SDCCAG8: variants seen among roughly 807,000 people sequenced by gnomAD.
The protein encoded by SDCCAG8 is SHH signaling and ciliogenesis regulator SDCCAG8.
SDCCAG8 carries 74 observed loss-of-function variants against 101.8 expected under a neutral mutation model. The ratio of observed to expected loss-of-function variants is 0.73; its 90% CI spans 0.60 to 0.88. The LOEUF (loss-of-function observed/expected upper bound fraction) is 0.88. Among genes scored for constraint, SDCCAG8 ranks in the 40% least tolerant of loss-of-function variants. SDCCAG8 has a pLI of 0.00. For synonymous variants in SDCCAG8, 281 were observed against 292.9 expected (o/e 0.96, Z 0.41); for missense variants, 787 against 822.6 (o/e 0.96, Z 0.53).
At chr1:243,378,684 T>G (rs76163287) in intron 12 of SDCCAG8, 37 bp from the exon 13 acceptor site, 18,102 of 1,609,870 alleles carry the variant, frequency 0.011, 119 homozygotes, top group Non-Finnish European at 0.013. Context: ...GTGCATGTAT[T>G]TTATATGGAT....
At chr1:243,303,114 A>C (rs1008727111) in intron 6 of SDCCAG8, among the ~76,000 whole-genome samples, 5 of 152,194 alleles carry the variant, frequency 3.3e-5, no homozygotes, top group Admixed American at 6.5e-5. Context: ...GCTAATAGAC[A>C]CCACACAAAG....
At chr1:243,366,908 G>A (rs914598238) in intron 12 of SDCCAG8, among the ~76,000 whole-genome samples, 1 of 151,932 alleles carries the variant, frequency 6.6e-6, no homozygotes, top group African/African-American at 2.4e-5. Context: ...ATAATGTCTG[G>A]CACATTGCAC....
intron 13 of SDCCAG8, among the ~76,000 whole-genome samples, chr1:243,404,860 TTC>T (rs1026652996): frequency 4.7e-5 from 7 of 147,830 alleles, no homozygotes; most frequent in African/African-American, 1.5e-4. Flanking sequence ...CTTAGACTTC[TTC>T]TTTTTTTTTT....
At chr1:243,383,108 A>G (rs546907345) in intron 13 of SDCCAG8, among the ~76,000 whole-genome samples, 1 of 152,346 alleles carries the variant, frequency 6.6e-6, no homozygotes, top group South Asian at 2.1e-4. Context: ...AGAAAGGATC[A>G]TGTTTTAAAG....
intron 6 of SDCCAG8, among the ~76,000 whole-genome samples, chr1:243,302,477 T>C (rs1258433544): frequency 6.6e-6 from 1 of 152,158 alleles, no homozygotes; most frequent in African/African-American, 2.4e-5. Context: ...ACTGCCCTTA[T>C]CTATAAAGCT....
intron 16 of SDCCAG8, among the ~76,000 whole-genome samples, chr1:243,431,788 G>T (rs185873537): frequency 2.3e-3 from 355 of 152,260 alleles, no homozygotes; most frequent in Non-Finnish European, 3.3e-3. Context: ...CTGAGCACCT[G>T]TGTCCTCTCA....
intron 13 of SDCCAG8, among the ~76,000 whole-genome samples, chr1:243,389,925 C>CT (rs1367633581): frequency 6.6e-6 from 1 of 152,094 alleles, no homozygotes; most frequent in Non-Finnish European, 1.5e-5. Context: ...CTCTGTGCCC[C>CT]CAGCACCAAG....
At chr1:243,327,715 A>G (rs943571469) in intron 9 of SDCCAG8, among the ~76,000 whole-genome samples, 71 of 152,234 alleles carry the variant, frequency 4.7e-4, no homozygotes, top group African/African-American at 1.6e-3. Context: ...TAGTGTATAA[A>G]TAATTGTTTA....
chr1:243,358,399 C>A (rs2076512678), intron 12 of SDCCAG8, among the ~76,000 whole-genome samples: 1 of 151,806 alleles, frequency 6.6e-6, no homozygotes, highest in African/African-American at 2.4e-5. Context: ...CAAACCAAAA[C>A]CAAGATGAGA....
chr1:243,404,836 C>T lies in SDCCAG8; in HGVS notation c.1617-10866C>T, dbSNP rs1339162122. Among the ~76,000 whole-genome samples the T allele has an allele frequency of 2.6e-5, 4 of 151,926 alleles. No individual in the cohort carries two copies. In the East Asian group the frequency reaches 5.8e-4, roughly 22 times the overall value. The stretch of plus-strand genomic sequence containing the variant: ...TCTACTATCTTTATTACAGAAGTTC[C>T]CCACTTACTCAAACTTAGACTTCTT... On this transcript the variant is annotated intron_variant, in intron 13 of 17. Coordinates refer to ENST00000366541, the MANE Select transcript of SDCCAG8 (RefSeq NM_006642.5).
chr1:243,360,274 T>A (rs2076624579), intron 12 of SDCCAG8, among the ~76,000 whole-genome samples: 1 of 151,244 alleles, frequency 6.6e-6, no homozygotes, highest in South Asian at 2.1e-4. Context: ...GCCTCCCTAG[T>A]ATCTGGGACT....
chr1:243,448,517 A>G (rs1396313499), intron 16 of SDCCAG8, among the ~76,000 whole-genome samples: 2 of 152,128 alleles, frequency 1.3e-5, no homozygotes, highest in Non-Finnish European at 2.9e-5. Context: ...GATGTGTAAG[A>G]CTTAACCCTT....
At chr1:243,373,548 G>A (rs1356975062) in intron 12 of SDCCAG8, among the ~76,000 whole-genome samples, 1 of 152,076 alleles carries the variant, frequency 6.6e-6, no homozygotes, top group Non-Finnish European at 1.5e-5. Context: ...GCCATGGTTG[G>A]GGTTTGGATC....
At chr1:243,285,336 C>T (rs1352287043) in intron 4 of SDCCAG8, among the ~76,000 whole-genome samples, 1 of 152,110 alleles carries the variant, frequency 6.6e-6, no homozygotes, top group Non-Finnish European at 1.5e-5. Flanking sequence ...AGCAGTTTTC[C>T]CTATGACTTC....
At chr1:243,305,018 G>A (rs1021655201) in intron 7 of SDCCAG8, 1 of 480,164 alleles carries the variant, frequency 2.1e-6, no homozygotes, top group African/African-American at 2.0e-5. Context: ...GTAGAAATAA[G>A]AATCACGGCC....
chr1:243,451,893 C>T (rs2083382349), intron 16 of SDCCAG8, among the ~76,000 whole-genome samples: 1 of 152,206 alleles, frequency 6.6e-6, no homozygotes, highest in African/African-American at 2.4e-5. Flanking sequence ...CACGCCACTG[C>T]ACTCCAGCCT....
rs950627906 is a variant in SDCCAG8 at position 243,344,707 on chromosome 1, C to T, written c.1473+376C>T. Among the ~76,000 whole-genome samples the T allele has an allele frequency of 3.9e-5, 6 of 152,058 alleles. No homozygotes were observed. The East Asian group carries it at 1.2e-3, about 29-fold the overall frequency. On this transcript the variant is annotated intron_variant, in intron 12 of 17. Transcript: ENST00000366541. ...ATTTTAAATGAAAAAGTTTAAAATT[C>T]GTAAGATGAGATGAGTTGATATGTA...
chr1:243,373,749 A>T (rs1045310315), intron 12 of SDCCAG8, among the ~76,000 whole-genome samples: 4 of 152,112 alleles, frequency 2.6e-5, no homozygotes, highest in African/African-American at 4.8e-5. Context: ...CCCTGGGGAG[A>T]CATAAGGTAT....
chr1:243,350,277 C>T (rs746706315), intron 12 of SDCCAG8, among the ~76,000 whole-genome samples: 7 of 151,840 alleles, frequency 4.6e-5, no homozygotes, highest in African/African-American at 4.8e-5. Context: ...GGTGCAATCT[C>T]GGTTCACTGC....
Sources: gnomAD v4.1 joint callset for allele counts (sites outside exome capture counted in the v4.1 genomes callset) on GRCh38, gnomAD v4.1.1 for gene constraint, MANE v1.5 for transcripts, NCBI Gene and HGNC (gene_info 2026-07-23, HGNC 2026-07-21) for gene names.